Variants in GRIN3A observed in about 807,000 individuals in gnomAD.
GRIN3A encodes glutamate receptor ionotropic, NMDA 3A.
GRIN3A carries 47 observed loss-of-function variants against 92.4 expected under a neutral mutation model. That is an observed-to-expected ratio of 0.51 (90% CI 0.40 to 0.65). The LOEUF (loss-of-function observed/expected upper bound fraction) is 0.65. GRIN3A is among the 30% of genes least tolerant of loss of function. The pLI, the probability that GRIN3A is intolerant of heterozygous loss-of-function variation, is 0.00. For missense variants in GRIN3A, 1,324 were observed against 1,393.1 expected (o/e 0.95, Z 0.79); for synonymous variants, 527 against 540.6 (o/e 0.97, Z 0.35).
intron 1 of GRIN3A, among the ~76,000 whole-genome samples, chr9:101,700,440 A>G (rs905558860): frequency 1.3e-5 from 2 of 152,208 alleles, no homozygotes; most frequent in Non-Finnish European, 2.9e-5. Flanking sequence ...GAAAACTGGC[A>G]CCTGAATGCT....
At chr9:101,627,041 T>G (rs1274152454) in intron 4 of GRIN3A, among the ~76,000 whole-genome samples, 1 of 152,212 alleles carries the variant, frequency 6.6e-6, no homozygotes, top group African/African-American at 2.4e-5. Context: ...TTTCACACTG[T>G]CAGCAGAGCC....
chr9:101,737,462 C>G lies in GRIN3A; in HGVS notation c.518G>C (p.Trp173Ser). ...CAGGAAGGAGAAAGGGTCACTGCTC[C>G]ATGGCGAACTAGGGGAGGAGAAGGG... is the stretch of plus-strand genomic sequence containing the variant. ...LLPFSSPSSP[W>S]SSDPFSFLQS... Residue 173 changes from tryptophan (W) to serine (S), a missense_variant, in exon 1 of 9, where the codon TGG (tryptophan) becomes TCG (serine). Trp to Ser is a radical substitution (Grantham distance 177). Coordinates refer to ENST00000361820, the MANE Select transcript of GRIN3A (RefSeq NM_133445.3). 1 of 1,614,288 alleles carries G rather than the reference C, an allele frequency of 6.2e-7. No homozygotes were observed. The highest frequency in any genetic ancestry group is 8.5e-7 in the Non-Finnish European group (1 of 1,180,048).
chr9:101,687,856 T>A (rs1305959278), intron 1 of GRIN3A, among the ~76,000 whole-genome samples: 3 of 152,212 alleles, frequency 2.0e-5, no homozygotes, highest in Admixed American at 6.5e-5. Context: ...TCTGTGCCAT[T>A]AAACACACTT....
chr9:101,613,191 C>T (rs1441289335), intron 6 of GRIN3A, among the ~76,000 whole-genome samples, 185 bp downstream of exon 6: 1 of 152,122 alleles, frequency 6.6e-6, no homozygotes, highest in African/African-American at 2.4e-5. Context: ...TAAGACAAAC[C>T]CACATCCCTG....
chr9:101,594,655 C>T, intron 6 of GRIN3A: 2 of 1,614,128 alleles, frequency 1.2e-6, no homozygotes, highest in East Asian at 4.5e-5. Context: ...TCAACTTCTG[C>T]TCCTCGTCGC....
In GRIN3A at chr9:101,677,525, G is replaced by A. The variant is rs1231138470; in HGVS notation, c.1305-6418C>T. 5.9e-5 allele frequency among the ~76,000 whole-genome samples: 9 copies of A among 151,918 alleles called. No homozygotes were observed. In the East Asian group the frequency reaches 1.5e-3, roughly 26 times the overall value. On this transcript the variant is annotated intron_variant, in intron 2 of 8. Coordinates refer to ENST00000361820, the MANE Select transcript of GRIN3A (RefSeq NM_133445.3). ...TAATTTACTATTTGTCGCCATTCCA[G>A]CTCCCTTCCCACTGCCTTCTGAGAT...
intron 2 of GRIN3A, 59 bp downstream of exon 2, chr9:101,686,537 A>C (rs541761103): frequency 4.8e-5 from 77 of 1,590,736 alleles, no homozygotes; most frequent in Non-Finnish European, 5.9e-5. Flanking sequence ...CAGATAGGGG[A>C]ATTTTACTCT....
intron 1 of GRIN3A, among the ~76,000 whole-genome samples, chr9:101,735,903 G>T (rs913074439): frequency 6.8e-6 from 1 of 147,568 alleles, no homozygotes; most frequent in Non-Finnish European, 1.5e-5. Flanking sequence ...TCTGTAGTTC[G>T]GCTAGGAATC....
At chr9:101,705,351 C>T (rs1046848086) in intron 1 of GRIN3A, among the ~76,000 whole-genome samples, 6 of 152,114 alleles carry the variant, frequency 3.9e-5, no homozygotes, top group Admixed American at 3.9e-4. Context: ...CCAAGCCGAC[C>T]GCCAAGAAGA....
chr9:101,575,244 A>C (rs1324934904), intron 8 of GRIN3A, among the ~76,000 whole-genome samples: 1 of 152,206 alleles, frequency 6.6e-6, no homozygotes, highest in Admixed American at 6.5e-5. Context: ...TGGGCTGGGT[A>C]AAAGTTCTGT....
rs1190577713 is a variant in GRIN3A at position 101,573,270 on chromosome 9, C to T, written c.3252G>A (p.Lys1084=). The T allele has an allele frequency of 1.9e-6, 3 of 1,613,978 alleles. No homozygotes were observed. In the African/African-American group the frequency reaches 4.0e-5, roughly 22 times the overall value. ...GCTCCTGACGGATCACCTGAATCTG[C>T]TTCTCGAGCTCTGAGAGTTCCTGCA... ...SVMQELSELE[K]QIQVIRQELQ... is the part of the protein sequence containing the mutation. Residue 1084 remains lysine (K), a synonymous_variant, in exon 9 of 9, where the codon AAG becomes AAA. Coordinates refer to ENST00000361820, the MANE Select transcript of GRIN3A (RefSeq NM_133445.3).
At chr9:101,725,395 T>C (rs1238950688) in intron 1 of GRIN3A, among the ~76,000 whole-genome samples, 1 of 152,082 alleles carries the variant, frequency 6.6e-6, no homozygotes, top group East Asian at 1.9e-4. Flanking sequence ...GAAGGAAGAA[T>C]GGGGCTATGA....
intron 2 of GRIN3A, 52 bp downstream of exon 2, chr9:101,686,544 C>T (rs939317066): frequency 2.5e-6 from 4 of 1,603,878 alleles, no homozygotes; most frequent in Non-Finnish European, 3.4e-6. Flanking sequence ...GGGAATTTTA[C>T]TCTCTGTCAT....
chr9:101,707,229 G>C (rs1829824711), intron 1 of GRIN3A, among the ~76,000 whole-genome samples: 1 of 152,198 alleles, frequency 6.6e-6, no homozygotes, highest in Non-Finnish European at 1.5e-5. Flanking sequence ...CAGGGTTGTA[G>C]CTACATCAGC....
At chr9:101,647,421 C>CT (rs2118910479) in intron 3 of GRIN3A, among the ~76,000 whole-genome samples, 1 of 151,842 alleles carries the variant, frequency 6.6e-6, no homozygotes, top group South Asian at 2.1e-4. Flanking sequence ...ATTTTTGCAA[C>CT]TAGATTCATC....
At chr9:101,684,970 G>A (rs1298271962) in intron 2 of GRIN3A, among the ~76,000 whole-genome samples, 3 of 152,080 alleles carry the variant, frequency 2.0e-5, no homozygotes, top group East Asian at 1.9e-4. Context: ...AATTATGTGC[G>A]AGCTTGCCAA....
intron 3 of GRIN3A, among the ~76,000 whole-genome samples, chr9:101,634,154 A>C (rs1828749321): frequency 6.6e-6 from 1 of 152,000 alleles, no homozygotes; most frequent in Non-Finnish European, 1.5e-5. Flanking sequence ...TAACACGGTG[A>C]AACCCTGTCT....
At chr9:101,663,076 A>AT (rs1829192491) in intron 3 of GRIN3A, among the ~76,000 whole-genome samples, 2 of 151,798 alleles carry the variant, frequency 1.3e-5, no homozygotes, top group Admixed American at 1.3e-4. Context: ...GTCATAGTTG[A>AT]TGAGACAGTT....
chr9:101,644,451 T>C (rs543962987), intron 3 of GRIN3A, among the ~76,000 whole-genome samples: 5 of 134,658 alleles, frequency 3.7e-5, no homozygotes, highest in African/African-American at 5.8e-5. Context: ...TGAAATTACA[T>C]TAGTCACTCA....
Sources: allele counts gnomAD v4.1 joint callset (sites outside exome capture counted in the v4.1 genomes callset), GRCh38; gene constraint gnomAD v4.1.1; transcripts MANE v1.5; gene names NCBI Gene and HGNC (gene_info 2026-07-23, HGNC 2026-07-21).